SELENOI: variants seen among roughly 807,000 people sequenced by gnomAD.
SELENOI encodes ethanolaminephosphotransferase 1.
In SELENOI, 24 loss-of-function variants were observed where a neutral mutation model predicts 50.7. The observed-to-expected ratio is 0.47, with a 90% confidence interval of 0.34 to 0.67. The LOEUF is 0.67. SELENOI is among the 30% of genes least tolerant of loss of function. The pLI is 0.01. For synonymous variants in SELENOI, 155 were observed against 170.2 expected (o/e 0.91, Z 0.70); for missense variants, 352 against 461.4 (o/e 0.76, Z 2.17).
rs1677747774 is a variant in SELENOI at position 26,383,318 on chromosome 2, T to A, written c.702T>A (p.Thr234=). The A allele has an allele frequency of 6.5e-7, 1 of 1,539,986 alleles. No homozygotes were observed. Among genetic ancestry groups the A allele is most frequent in the East Asian group, 2.3e-5 (1 of 42,622 alleles). Residue 234 remains threonine (T), a synonymous_variant, in exon 7 of 10, where the codon ACT becomes ACA. Coordinates refer to ENST00000260585, the MANE Select transcript of SELENOI (RefSeq NM_033505.4). ...CTTTAGGTTGTGCATTATGTGTGAC[T>A]CTTCCAATGAGTTTATTAAACTTTT... is the stretch of plus-strand genomic sequence containing the variant. ...AMIIGCALCV[T]LPMSLLNFFR...
chr2:26,361,864 G>A (rs1340469783), intron 1 of SELENOI, among the ~76,000 whole-genome samples: 1 of 152,124 alleles, frequency 6.6e-6, no homozygotes, highest in Non-Finnish European at 1.5e-5. Flanking sequence ...CACCGTGTCA[G>A]CCAGGCTGGT....
intron 1 of SELENOI, among the ~76,000 whole-genome samples, chr2:26,347,321 T>C (rs1305588943): frequency 1.3e-5 from 2 of 152,222 alleles, no homozygotes; most frequent in African/African-American, 4.8e-5. Context: ...TAGAGTTTTC[T>C]TGTGGACCAT....
rs758028318 is a variant in SELENOI, at chr2:26,346,332, C to T, written c.57+43C>T. The T allele has an allele frequency of 5.1e-6, 8 of 1,582,446 alleles. No individual in the cohort carries two copies. The South Asian group carries it at 5.7e-5, about 11-fold the overall frequency. On this transcript the variant is annotated intron_variant, in intron 1 of 9. Coordinates refer to ENST00000260585, the MANE Select transcript of SELENOI (RefSeq NM_033505.4). ...ATGCCCCTCTCCCTGCTCCCGGCCTCGCCCAGGCGGCTGAGGGGCCCGCGC... is the reference window on the plus strand; with the variant it reads ...ATGCCCCTCTCCCTGCTCCCGGCCTTGCCCAGGCGGCTGAGGGGCCCGCGC...
chr2:26,377,508 T>G (rs1677593212), intron 6 of SELENOI, among the ~76,000 whole-genome samples: 1 of 152,070 alleles, frequency 6.6e-6, no homozygotes, highest in Admixed American at 6.5e-5. Flanking sequence ...GGTGCATGCC[T>G]GTAGTCCCAG....
chr2:26,362,439 G>A (rs1354300384), intron 1 of SELENOI, among the ~76,000 whole-genome samples: 1 of 152,048 alleles, frequency 6.6e-6, no homozygotes, highest in Admixed American at 6.6e-5. Flanking sequence ...TACTTATTTT[G>A]TATACATACT....
chr2:26,367,162 C>T lies in SELENOI; in HGVS notation c.252C>T (p.His84=), dbSNP rs368706871. The T allele has an allele frequency of 5.6e-6, 9 of 1,610,636 alleles. No individual in the cohort carries two copies. Among genetic ancestry groups the T allele is most frequent in the East Asian group, 2.2e-5 (1 of 44,828 alleles). ...DFYASAPGHK[H]VPDWVWIVVG... ...CCTTTTCAGCACCAGGTCACAAGCA[C>T]GTGCCTGACTGGGTTTGGATTGTAG... Residue 84 remains histidine (H), a synonymous_variant, in exon 4 of 10, where the codon CAC becomes CAT. Coordinates refer to ENST00000260585, the MANE Select transcript of SELENOI (RefSeq NM_033505.4).
At chr2:26,383,276 A>C (rs1318870247) in intron 6 of SELENOI, 23 bp from the exon 7 acceptor site, 1 of 1,500,506 alleles carries the variant, frequency 6.7e-7, no homozygotes, top group Non-Finnish European at 9.0e-7. Context: ...TAAGCATAAT[A>C]ATTGAATAAT....
chr2:26,364,712 C>T, intron 2 of SELENOI, 120 bp from the exon 3 acceptor site: 1 of 678,362 alleles, frequency 1.5e-6, no homozygotes, highest in Non-Finnish European at 2.4e-6. Flanking sequence ...ATGTCTATAA[C>T]TTCTCCATAT....
chr2:26,371,082 G>A (rs1406611362), intron 4 of SELENOI, among the ~76,000 whole-genome samples: 5 of 147,842 alleles, frequency 3.4e-5, no homozygotes, highest in African/African-American at 1.0e-4. Flanking sequence ...CCTCCCGGAC[G>A]GGGCGGCTGG....
chr2:26,387,319 A>T (rs1030467891), intron 9 of SELENOI, among the ~76,000 whole-genome samples: 2 of 152,174 alleles, frequency 1.3e-5, no homozygotes, highest in African/African-American at 4.8e-5. Flanking sequence ...TATTCCACCA[A>T]GGAGATTACT....
chr2:26,354,520 G>A (rs544760505), intron 1 of SELENOI, among the ~76,000 whole-genome samples: 3 of 152,132 alleles, frequency 2.0e-5, no homozygotes, highest in East Asian at 3.9e-4. Context: ...CCGATTAGCT[G>A]GGACTACAGG....
chr2:26,361,421 A>G (rs1409139581), intron 1 of SELENOI, among the ~76,000 whole-genome samples: 1 of 152,224 alleles, frequency 6.6e-6, no homozygotes, highest in Admixed American at 6.5e-5. Flanking sequence ...GAATAAAACA[A>G]CTATAACAAT....
intron 3 of SELENOI, among the ~76,000 whole-genome samples, chr2:26,365,300 TCCCTAC>T (rs1677262790): frequency 6.6e-6 from 1 of 152,100 alleles, no homozygotes; most frequent in African/African-American, 2.4e-5. Context: ...CTTCCCAGCA[TCCCTAC>T]TTGACTTGAA....
In SELENOI at chr2:26,375,062, T is replaced by C; in HGVS notation, c.596T>C (p.Val199Ala). Residue 199 changes from valine (V) to alanine (A), a missense_variant, in exon 6 of 10, where the codon GTG becomes GCG. Physicochemically the swap from Val to Ala is moderately conservative, Grantham distance 64. Coordinates refer to ENST00000260585, the MANE Select transcript of SELENOI (RefSeq NM_033505.4). ...SQVTISFVYI[V>A]TAVVGVEAWY... ...CAGACTATTTCTTTTGTCTACATAG[T>C]GACTGCAGTTGTGGGAGTTGAGGCC... The C allele has an allele frequency of 6.2e-7, 1 of 1,613,216 alleles. No individual in the cohort carries two copies. The highest frequency in any genetic ancestry group is 8.5e-7 in the Non-Finnish European group (1 of 1,179,234).
At chr2:26,358,177 A>T (rs146858142) in intron 1 of SELENOI, among the ~76,000 whole-genome samples, 7 of 152,062 alleles carry the variant, frequency 4.6e-5, no homozygotes, top group Non-Finnish European at 1.0e-4. Flanking sequence ...CCAAGACGGG[A>T]GGATCTCTTG....
chr2:26,386,556 A>C lies in SELENOI; in HGVS notation c.1095+20A>C. On this transcript the variant is annotated intron_variant, in intron 9 of 9. Transcript: ENST00000260585. Reference sequence around the variant, plus strand: ...CGAGTGGTGAGTAATCTACAGCAAAATGGGTTCAATTTGGGGCTTATAAAT... The same window carrying C: ...CGAGTGGTGAGTAATCTACAGCAAACTGGGTTCAATTTGGGGCTTATAAAT... The C allele has an allele frequency of 6.5e-7, 1 of 1,539,100 alleles. No homozygotes were observed. The highest frequency in any genetic ancestry group is 8.8e-7 in the Non-Finnish European group (1 of 1,141,430).
chr2:26,387,225 T>A (rs1172934318), intron 9 of SELENOI, among the ~76,000 whole-genome samples: 1 of 152,242 alleles, frequency 6.6e-6, no homozygotes, highest in African/African-American at 2.4e-5. Flanking sequence ...ATAGATATAA[T>A]GAAATCAAAT....
intron 4 of SELENOI, among the ~76,000 whole-genome samples, chr2:26,370,968 G>A (rs1157348241): frequency 2.4e-4 from 29 of 118,750 alleles, no homozygotes; most frequent in African/African-American, 8.7e-4. Context: ...GCGGCTGGCC[G>A]GGCGGGGGGC....
At chr2:26,385,507 G>T (rs1279394622) in intron 8 of SELENOI, among the ~76,000 whole-genome samples, 8 of 152,196 alleles carry the variant, frequency 5.3e-5, no homozygotes, top group Admixed American at 5.2e-4. Flanking sequence ...GCTTGGAAGA[G>T]ATTTTTGAGA....
Sources: allele counts gnomAD v4.1 joint callset (sites outside exome capture counted in the v4.1 genomes callset), GRCh38; gene constraint gnomAD v4.1.1; transcripts MANE v1.5; gene names NCBI Gene and HGNC (gene_info 2026-07-23, HGNC 2026-07-21).